Variants in CNTROB observed in about 807,000 individuals in gnomAD.
CNTROB encodes the protein centrobin.
CNTROB carries 82 observed loss-of-function variants against 115.7 expected under a neutral mutation model. The ratio of observed to expected loss-of-function variants is 0.71; its 90% confidence interval spans 0.59 to 0.85. CNTROB has a LOEUF of 0.85. Among genes scored for constraint, CNTROB ranks in the 40% least tolerant of loss-of-function variants. The pLI is 0.00. For synonymous variants in CNTROB, 439 were observed against 456.4 expected (o/e 0.96, Z 0.49); for missense variants, 1,014 against 1,144.4 (o/e 0.89, Z 1.64).
rs1974123830 is a variant in CNTROB, at chr17:7,943,216, A to C, written c.1312-175A>C. 6.6e-6 allele frequency among the ~76,000 whole-genome samples: 1 copy of C among 152,196 alleles called. No homozygotes were observed. ...GTCATTTTCACTTTGATGTATGTTT[A>C]AAGTGCGAATATCTTAATAAGGAAA... is the stretch of plus-strand genomic sequence containing the variant. On this transcript the variant is annotated intron_variant, in intron 9 of 18. Transcript: ENST00000563694. This position sits in a 1 kb window ranked among gnomAD's most constrained non-coding sequence, Gnocchi z 4.7.
rs1298573008 is a variant in CNTROB, at chr17:7,944,325, A to G, written c.1571+77A>G. 2.6e-6 allele frequency: 4 copies of G among 1,560,682 alleles called. No homozygotes were observed. In the South Asian group the frequency reaches 4.5e-5, roughly 17 times the overall value. On this transcript the variant is annotated intron_variant, in intron 11 of 18. Coordinates refer to ENST00000563694, the MANE Select transcript of CNTROB (RefSeq NM_053051.5). The surrounding 1 kb of genome is among the most constrained non-coding windows in gnomAD (Gnocchi z 4.0). ...AGAGCCCAAACTGGGAACGGTGAAG[A>G]GCTGCTCCCTTGATTGATCTGTCCT...
In CNTROB at chr17:7,944,626, G is replaced by A. The variant is rs745916286; in HGVS notation, c.1722G>A (p.Pro574=). ...ANQLLSTTLP[P]PNPPAPPAGP... ...AGCTGCTCAGCACCACTCTCCCGCC[G>A]CCCAACCCTCCAGTACGCCTTACCC... The change falls in exon 12 of 19, where the codon CCG becomes CCA. Residue 574 remains proline, a synonymous_variant. Coordinates refer to ENST00000563694, the MANE Select transcript of CNTROB (RefSeq NM_053051.5). This position sits in a 1 kb window ranked among gnomAD's most constrained non-coding sequence, Gnocchi z 4.0. 1.9e-5 allele frequency: 31 copies of A among 1,609,454 alleles called. No homozygotes were observed. The highest frequency in any genetic ancestry group is 2.5e-5 in the Non-Finnish European group (30 of 1,177,136).
Position 7,934,988 on chromosome 17 carries a change from G to A in CNTROB, c.438-1G>A, listed in dbSNP as rs1972970909. 1 of 1,586,124 alleles carries A rather than the reference G, an allele frequency of 6.3e-7. No individual in the cohort carries two copies. Among genetic ancestry groups the A allele is most frequent in the African/African-American group, 1.4e-5 (1 of 73,936 alleles). On this transcript the variant is annotated splice_acceptor_variant, in intron 3 of 18. Coordinates refer to ENST00000563694, the MANE Select transcript of CNTROB (RefSeq NM_053051.5). LOFTEE classifies it high-confidence loss of function. ...TAACATTCTCTACCTGATTTGCTCA[G>A]CACCCGGCCCCTGCAAGACTTGTCT... is the stretch of plus-strand genomic sequence containing the variant.
chr17:7,941,552 T>C (rs557911761), intron 9 of CNTROB, among the ~76,000 whole-genome samples: 9 of 148,486 alleles, frequency 6.1e-5, no homozygotes, highest in African/African-American at 1.8e-4. Flanking sequence ...TGAGCCCAGA[T>C]TGAACCAGTG....
intron 1 of CNTROB, among the ~76,000 whole-genome samples, chr17:7,933,843 G>A (rs1006218020): frequency 6.6e-6 from 1 of 152,198 alleles, no homozygotes; most frequent in Non-Finnish European, 1.5e-5. Context: ...TTGCAGACTG[G>A]TTAGGTCTTC....
chr17:7,948,243 A>G lies in CNTROB; in HGVS notation c.2296A>G (p.Met766Val), dbSNP rs1171662710. The G allele has an allele frequency of 1.9e-6, 3 of 1,613,998 alleles. No homozygotes were observed. Among genetic ancestry groups the G allele is most frequent in the Non-Finnish European group, 2.5e-6 (3 of 1,180,002 alleles). The change falls in exon 16 of 19, where the codon ATG becomes GTG. Residue 766 changes from methionine to valine, a missense_variant. By Grantham distance (21) the Met-to-Val change is conservative. Transcript: ENST00000563694. This position sits in a 1 kb window ranked among gnomAD's most constrained non-coding sequence, Gnocchi z 4.4. ...CCACAAAACCAAAGTTCCCTTAGCCATGGCATCCAGTCTTTTCCGGGTCCC... is the reference window on the plus strand; with the variant it reads ...CCACAAAACCAAAGTTCCCTTAGCCGTGGCATCCAGTCTTTTCCGGGTCCC... Reference protein sequence around the residue: ...PVHKTKVPLAMASSLFRVPEP... With the variant: ...PVHKTKVPLAVASSLFRVPEP...
chr17:7,935,095 G>A lies in CNTROB; in HGVS notation c.544G>A (p.Asp182Asn). Residue 182 changes from aspartate to asparagine, a missense_variant, in exon 4 of 19, where the codon GAT (aspartate) becomes AAT (asparagine). Coordinates refer to ENST00000563694, the MANE Select transcript of CNTROB (RefSeq NM_053051.5). ...GCCAGGGCCTCCACTCAATCCCCCA[G>A]ATTTTCAGGGGCTGAGAGATGCATT... is the stretch of plus-strand genomic sequence containing the variant. The part of the protein sequence containing the change: ...LRPGPPLNPP[D>N]FQGLRDALDS... The A allele has an allele frequency of 6.2e-7, 1 of 1,614,140 alleles. No individual in the cohort carries two copies. The highest frequency in any genetic ancestry group is 1.1e-5 in the South Asian group (1 of 91,086).
At position 7,939,582 on chromosome 17, in the gene CNTROB, G is replaced by T; in HGVS notation, c.997G>T (p.Glu333Ter). The T allele has an allele frequency of 6.2e-7, 1 of 1,614,186 alleles. No individual in the cohort carries two copies. Among genetic ancestry groups the T allele is most frequent in the Non-Finnish European group, 8.5e-7 (1 of 1,180,036 alleles). The change falls in exon 8 of 19, where the codon GAG becomes TAG. Residue 333 changes from glutamate (E) to a stop codon, truncating the protein, a stop_gained. Transcript: ENST00000563694. LOFTEE classifies it high-confidence loss of function. This position sits in a 1 kb window ranked among gnomAD's most constrained non-coding sequence, Gnocchi z 4.4. Reference sequence around the variant, plus strand: ...GCAGCGGTGCTGTGTCCTGCAGGAAGAGCGGGATGCAGCTCGGGCTGGGCA... The same window carrying T: ...GCAGCGGTGCTGTGTCCTGCAGGAATAGCGGGATGCAGCTCGGGCTGGGCA... ...EQQRCCVLQE[E>*]RDAARAGQLS...
At position 7,936,642 on chromosome 17, in the gene CNTROB, G is replaced by A. The variant is rs1973215709; in HGVS notation, c.712-59G>A. On this transcript the variant is annotated intron_variant, in intron 5 of 18. Transcript: ENST00000563694. Reference sequence around the variant, plus strand: ...GAAGATGGCTGTTGACCCTGCCCCTGTGGGTAGAAAGAGGCAAAAAAGTTA... The same window carrying A: ...GAAGATGGCTGTTGACCCTGCCCCTATGGGTAGAAAGAGGCAAAAAAGTTA... 1.4e-5 allele frequency: 12 copies of A among 844,974 alleles called. No homozygotes were observed. In the South Asian group the frequency reaches 1.5e-4, roughly 10 times the overall value. The allele number at this position is 844,974 out of a possible 1,614,324, so 52.3% of individuals were successfully genotyped here. A position where few individuals can be genotyped will look rare whatever the true frequency, so the allele number is the denominator to read the frequency against.
chr17:7,935,141 G>T lies in CNTROB; in HGVS notation c.590G>T (p.Arg197Leu), dbSNP rs1972999442. 3.7e-6 allele frequency: 6 copies of T among 1,614,124 alleles called. No individual in the cohort carries two copies. Among genetic ancestry groups the T allele is most frequent in the Non-Finnish European group, 5.1e-6 (6 of 1,180,024 alleles). ...GCATTGGATTCAGAGCATACCCGCC[G>T]CAAGGTAAGATGCAAACGCTTCCTT... ...RDALDSEHTR[R>L]KHCERHIQSL... Residue 197 changes from arginine to leucine, a missense_variant, in exon 4 of 19, where the codon CGC (arginine) becomes CTC (leucine). Coordinates refer to ENST00000563694, the MANE Select transcript of CNTROB (RefSeq NM_053051.5).
chr17:7,943,604 C>T lies in CNTROB; in HGVS notation c.1445+80C>T, dbSNP rs1974174230. 7 of 1,472,752 alleles carry T rather than the reference C, an allele frequency of 4.8e-6. No homozygotes were observed. The highest frequency in any genetic ancestry group is 6.5e-6 in the Non-Finnish European group (7 of 1,084,572). 91.2% of individuals were successfully genotyped at this position (1,472,752 alleles called of 1,614,324 possible). ...GCCAGGCCTGTGTTCCCTTCAATCCCTTTGCCATGGTCCAGCACTGTGACT... is the reference window on the plus strand; with the variant it reads ...GCCAGGCCTGTGTTCCCTTCAATCCTTTTGCCATGGTCCAGCACTGTGACT... On this transcript the variant is annotated intron_variant, in intron 10 of 18. Transcript: ENST00000563694. This position sits in a 1 kb window ranked among gnomAD's most constrained non-coding sequence, Gnocchi z 4.7.
rs549513734 is a variant in CNTROB, at chr17:7,935,394, C to T, written c.594+249C>T. Among the ~76,000 whole-genome samples, 10 of 151,806 alleles carry T rather than the reference C, an allele frequency of 6.6e-5. No individual in the cohort carries two copies. The East Asian group carries it at 1.4e-3, about 21-fold the overall frequency. ...GTGGGTGCCTGTAGTCCCAGCTACT[C>T]GGGAGGCTGAGGCAGGAGAATGGCG... On this transcript the variant is annotated intron_variant, in intron 4 of 18. Transcript: ENST00000563694.
At position 7,948,987 on chromosome 17, in the gene CNTROB, T is replaced by C. The variant is rs1598120345; in HGVS notation, c.2514-98T>C. 1 of 1,605,744 alleles carries C rather than the reference T, an allele frequency of 6.2e-7. No homozygotes were observed. Among genetic ancestry groups the C allele is most frequent in the Non-Finnish European group, 8.5e-7 (1 of 1,175,114 alleles). ...CCCAGGTCTATCGAGTTTGATCTTA[T>C]TCTTAAGAGATAGAATTGGGGAGTA... On this transcript the variant is annotated intron_variant, in intron 17 of 18. Coordinates refer to ENST00000563694, the MANE Select transcript of CNTROB (RefSeq NM_053051.5). This position sits in a 1 kb window ranked among gnomAD's most constrained non-coding sequence, Gnocchi z 4.4.
chr17:7,933,413 T>C (rs1167703368), intron 1 of CNTROB, 64 bp downstream of exon 1: 4 of 1,487,842 alleles, frequency 2.7e-6, no homozygotes, highest in African/African-American at 2.8e-5. Context: ...GGGATTGGGG[T>C]TGGTAAAAAT....
chr17:7,946,427 GT>G (rs60149298), intron 13 of CNTROB, among the ~76,000 whole-genome samples: 75,586 of 151,972 alleles, frequency 0.5, 19,358 homozygotes, highest in East Asian at 0.76. Flanking sequence ...CGGTGTCTCA[GT>G]TTTTTTAGGT....
At chr17:7,936,505 G>A (rs1475665490) in intron 5 of CNTROB, 23 bp downstream of exon 5, 3 of 937,674 alleles carry the variant, frequency 3.2e-6, no homozygotes, top group East Asian at 4.8e-5. Flanking sequence ...CAAAATGTGG[G>A]TGGGTCTCTC....
intron 13 of CNTROB, 51 bp from the exon 14 acceptor site, chr17:7,947,520 C>G: frequency 6.7e-7 from 1 of 1,501,578 alleles, no homozygotes. Context: ...TGGAGAAGCC[C>G]CTTCCCCCCT....
intron 9 of CNTROB, among the ~76,000 whole-genome samples, chr17:7,942,137 C>A (rs1190552608): frequency 6.8e-6 from 1 of 146,014 alleles, no homozygotes; most frequent in South Asian, 2.2e-4. Context: ...TGTTGTGGCA[C>A]CAGCTTGTAG....
Position 7,937,290 on chromosome 17 carries a change from A to T in CNTROB, c.927+28A>T, listed in dbSNP as rs768066027. 3.1e-6 allele frequency: 5 copies of T among 1,613,108 alleles called. No individual in the cohort carries two copies. In the South Asian group the frequency reaches 5.5e-5, roughly 18 times the overall value. The stretch of plus-strand genomic sequence containing the variant: ...GAGAAGATTGGACTGGGTTAATTCC[A>T]CTGGAAGCTGTTAATTACTTCTAGA... On this transcript the variant is annotated intron_variant, in intron 7 of 18. Coordinates refer to ENST00000563694, the MANE Select transcript of CNTROB (RefSeq NM_053051.5).
Sources: allele counts gnomAD v4.1 joint callset (sites outside exome capture counted in the v4.1 genomes callset), GRCh38; gene constraint gnomAD v4.1.1; non-coding constraint Gnocchi (gnomAD v3.1); transcripts MANE v1.5; gene names NCBI Gene and HGNC (gene_info 2026-07-23, HGNC 2026-07-21).